Variants in VWC2L observed in about 807,000 individuals in gnomAD.
VWC2L encodes the protein von Willebrand factor C domain-containing protein 2-like.
VWC2L carries 10 observed loss-of-function variants against 21.6 expected under a neutral mutation model. The ratio of observed to expected loss-of-function variants is 0.46; its 90% confidence interval spans 0.29 to 0.78. The LOEUF (loss-of-function observed/expected upper bound fraction) is 0.78. Ranked by LOEUF, VWC2L falls within the 30% of genes least tolerant of loss-of-function variation. The pLI, the probability that VWC2L is intolerant of heterozygous loss-of-function variation, is 0.10. For missense variants in VWC2L, 209 were observed against 277.1 expected (o/e 0.75, Z 1.74); for synonymous variants, 96 against 94.3 (o/e 1.02, Z -0.10).
At chr2:214,550,755 T>A (rs1689781199) in intron 3 of VWC2L, among the ~76,000 whole-genome samples, 1 of 152,202 alleles carries the variant, frequency 6.6e-6, no homozygotes, top group Non-Finnish European at 1.5e-5. Context: ...GTAACTCACA[T>A]TCTGGTTTTT....
intron 3 of VWC2L, among the ~76,000 whole-genome samples, chr2:214,504,311 T>C (rs1455519891): frequency 1.3e-5 from 2 of 152,190 alleles, no homozygotes; most frequent in African/African-American, 4.8e-5. Context: ...CTGTTACCCA[T>C]GCACTTATTA....
At chr2:214,439,104 A>G (rs1361122401) in intron 3 of VWC2L, among the ~76,000 whole-genome samples, 1 of 152,038 alleles carries the variant, frequency 6.6e-6, no homozygotes, top group Non-Finnish European at 1.5e-5. Flanking sequence ...AAGTATAATC[A>G]TTGCCAAAGA....
At chr2:214,516,914 G>A (rs1227483333) in intron 3 of VWC2L, among the ~76,000 whole-genome samples, 1 of 152,160 alleles carries the variant, frequency 6.6e-6, no homozygotes, top group Non-Finnish European at 1.5e-5. Context: ...GGGATTACAA[G>A]GATTAAATAA....
At chr2:214,528,625 C>T (rs1035009590) in intron 3 of VWC2L, among the ~76,000 whole-genome samples, 1 of 151,706 alleles carries the variant, frequency 6.6e-6, no homozygotes, top group Non-Finnish European at 1.5e-5. Flanking sequence ...ACAGAGGGAA[C>T]CCAGAATGAA....
At chr2:214,542,714 T>C (rs1171571064) in intron 3 of VWC2L, among the ~76,000 whole-genome samples, 1 of 152,252 alleles carries the variant, frequency 6.6e-6, no homozygotes, top group South Asian at 2.1e-4. Flanking sequence ...TTTCCAATCT[T>C]TCAACCTTCA....
intron 3 of VWC2L, among the ~76,000 whole-genome samples, chr2:214,518,659 C>T (rs1689183002): frequency 6.6e-6 from 1 of 152,158 alleles, no homozygotes; most frequent in Non-Finnish European, 1.5e-5. Context: ...TCGAATACCT[C>T]ACAGTAGAAA....
At chr2:214,429,559 C>T (rs1273438134) in intron 2 of VWC2L, among the ~76,000 whole-genome samples, 1 of 152,082 alleles carries the variant, frequency 6.6e-6, no homozygotes, top group East Asian at 1.9e-4. Context: ...AAAAAAAATA[C>T]ATCTTTGATT....
chr2:214,563,841 G>T (rs1690019558), intron 3 of VWC2L, among the ~76,000 whole-genome samples: 1 of 152,102 alleles, frequency 6.6e-6, no homozygotes, highest in Admixed American at 6.5e-5. Context: ...TCTGGCCAGG[G>T]AACTCTGACA....
intron 2 of VWC2L, among the ~76,000 whole-genome samples, chr2:214,422,297 A>ATT (rs1476776788): frequency 1.7e-5 from 2 of 114,880 alleles, no homozygotes; most frequent in East Asian, 2.4e-4. Flanking sequence ...ACATGCATTA[A>ATT]TTTGTGTGTG....
intron 3 of VWC2L, among the ~76,000 whole-genome samples, chr2:214,542,708 C>T (rs950332387): frequency 6.6e-6 from 1 of 152,178 alleles, no homozygotes; most frequent in East Asian, 1.9e-4. Context: ...GTGCCCTTTC[C>T]AATCTTTCAA....
At chr2:214,537,760 GAACA>G (rs1689558858) in intron 3 of VWC2L, among the ~76,000 whole-genome samples, 2 of 151,956 alleles carry the variant, frequency 1.3e-5, no homozygotes, top group Admixed American at 6.6e-5. Flanking sequence ...TGGAATAAAT[GAACA>G]AATATATTCA....
chr2:214,430,123 C>G (rs1446322341), intron 2 of VWC2L, among the ~76,000 whole-genome samples: 2 of 149,466 alleles, frequency 1.3e-5, no homozygotes, highest in Non-Finnish European at 3.0e-5. Flanking sequence ...CGTGCCTGGC[C>G]AGGAAGAAAA....
chr2:214,521,367 C>T (rs1689238518), intron 3 of VWC2L, among the ~76,000 whole-genome samples: 1 of 152,158 alleles, frequency 6.6e-6, no homozygotes. Context: ...ACCCCATTTA[C>T]AGCAGTAAAT....
At chr2:214,538,073 G>T (rs1689564517) in intron 3 of VWC2L, among the ~76,000 whole-genome samples, 1 of 152,016 alleles carries the variant, frequency 6.6e-6, no homozygotes, top group Non-Finnish European at 1.5e-5. Flanking sequence ...TAGGAGATGG[G>T]ATGATTATGC....
chr2:214,520,086 C>CACACA (rs1393986592), intron 3 of VWC2L, among the ~76,000 whole-genome samples: 1 of 151,178 alleles, frequency 6.6e-6, no homozygotes. Context: ...CACACACACA[C>CACACA]ACACTTATGT....
At chr2:214,520,058 T>TACACACACACACACACACACACACACAC (rs60850327) in intron 3 of VWC2L, among the ~76,000 whole-genome samples, 7 of 143,252 alleles carry the variant, frequency 4.9e-5, no homozygotes, top group Non-Finnish European at 7.6e-5. Context: ...GCTCCTGTTA[T>TACACACACACACACACACACACACACAC]ACACACACAC....
At chr2:214,487,428 T>G (rs1688686149) in intron 3 of VWC2L, among the ~76,000 whole-genome samples, 1 of 152,174 alleles carries the variant, frequency 6.6e-6, no homozygotes, top group African/African-American at 2.4e-5. Context: ...TAAGAGGTTT[T>G]CAAGCCTCCT....
At chr2:214,519,072 G>A (rs763748217) in intron 3 of VWC2L, among the ~76,000 whole-genome samples, 24 of 152,072 alleles carry the variant, frequency 1.6e-4, no homozygotes, top group South Asian at 2.1e-4. Flanking sequence ...ACAAACTTTC[G>A]TTCTTTTGAA....
rs183801392 is a variant in VWC2L at position 214,469,189 on chromosome 2, A to G, written c.520+32431A>G. The stretch of plus-strand genomic sequence containing the variant: ...AAGAACGTTCCATACATATTGTGCC[A>G]ATAACACTATCAAATAGGAAAGACC... On this transcript the variant is annotated intron_variant, in intron 3 of 3. Coordinates refer to ENST00000312504, the MANE Select transcript of VWC2L (RefSeq NM_001080500.4). Among the ~76,000 whole-genome samples, 331 of 152,372 alleles carry G rather than the reference A, an allele frequency of 2.2e-3. 1 individual carries two copies. Among genetic ancestry groups the G allele is most frequent in the Middle Eastern group, 0.017 (5 of 294 alleles).
Sources: gnomAD v4.1 joint callset for allele counts (sites outside exome capture counted in the v4.1 genomes callset) on GRCh38, gnomAD v4.1.1 for gene constraint, MANE v1.5 for transcripts, NCBI Gene and HGNC (gene_info 2026-07-23, HGNC 2026-07-21) for gene names.